The following MYH16 variants were observed in gnomAD, a reference collection of about 807,000 sequenced individuals.
MYH16 encodes the protein putative uncharacterized protein MYH16.
chr7:99,298,047 G>A, intron 36 of MYH16, 52 bp downstream of exon 17: 1 of 454,378 alleles, frequency 2.2e-6, no homozygotes, highest in Admixed American at 2.4e-5. Context: ...TGATGGAGCA[G>A]AGTCCAGAAA....
intron 1 of MYH16, among the ~76,000 whole-genome samples, chr7:99,242,832 A>G (rs535933281): frequency 6.6e-6 from 1 of 152,224 alleles, no homozygotes; most frequent in Non-Finnish European, 1.5e-5. Context: ...GCTATTTCGA[A>G]ATCACCGCTA....
At chr7:99,241,644 T>G (rs1791668251) in intron 1 of MYH16, among the ~76,000 whole-genome samples, 2 of 152,132 alleles carry the variant, frequency 1.3e-5, no homozygotes, top group Non-Finnish European at 2.9e-5. Context: ...AAGGGCGTGG[T>G]AACCATTACG....
At chr7:99,268,268 T>G (rs1287106808) in intron 18 of MYH16, among the ~76,000 whole-genome samples, 1 of 152,164 alleles carries the variant, frequency 6.6e-6, no homozygotes, top group Non-Finnish European at 1.5e-5. Flanking sequence ...GATCATGGAA[T>G]AATTGAGCTG....
intron 12 of MYH16, chr7:99,260,543 A>AC (rs1791927407): frequency 6.4e-6 from 2 of 313,490 alleles, no homozygotes; most frequent in Admixed American, 8.2e-5. Flanking sequence ...GCCACCATTC[A>AC]TTGGATCATC....
intron 11 of MYH16, chr7:99,260,056 TG>T: frequency 1.2e-6 from 1 of 859,136 alleles, no homozygotes. Context: ...CTGACACTAG[TG>T]GGCCCTCTGC....
At chr7:99,277,922 A>T (rs977240046) in intron 21 of MYH16, among the ~76,000 whole-genome samples, 1,413 of 131,080 alleles carry the variant, frequency 0.011, 6 homozygotes, top group African/African-American at 0.045. Context: ...TGTGTGAGAG[A>T]GAGAGAGAGA....
chr7:99,256,838 G>A (rs912794877), intron 9 of MYH16, among the ~76,000 whole-genome samples: 1 of 149,182 alleles, frequency 6.7e-6, no homozygotes, highest in Admixed American at 6.7e-5. Context: ...GTTATCCCAG[G>A]TACCTGGGAG....
intron 32 of MYH16, among the ~76,000 whole-genome samples, chr7:99,293,543 G>A (rs1792423434): frequency 6.6e-6 from 1 of 152,014 alleles, no homozygotes; most frequent in African/African-American, 2.4e-5. Flanking sequence ...ACACCCTCAG[G>A]GCCCCTCCAT....
intron 3 of MYH16, among the ~76,000 whole-genome samples, chr7:99,248,255 C>T (rs1003394236): frequency 6.6e-6 from 1 of 152,080 alleles, no homozygotes; most frequent in Non-Finnish European, 1.5e-5. Flanking sequence ...GCATGTGCCA[C>T]CACACCCAGC....
chr7:99,241,812 CTT>C (rs1161834731), intron 1 of MYH16, among the ~76,000 whole-genome samples: 5 of 151,636 alleles, frequency 3.3e-5, no homozygotes, highest in African/African-American at 1.2e-4. Context: ...GATCGTATGT[CTT>C]CAGCTTTGAT....
At chr7:99,262,718 G>A (rs1416155268) in intron 13 of MYH16, among the ~76,000 whole-genome samples, 1 of 152,192 alleles carries the variant, frequency 6.6e-6, no homozygotes, top group African/African-American at 2.4e-5. Flanking sequence ...AAGATGGGAA[G>A]CAGAAATTAG....
At chr7:99,293,836 T>A (rs1389412410) in intron 32 of MYH16, among the ~76,000 whole-genome samples, 182 bp from the exon 14 acceptor site, 2 of 152,174 alleles carry the variant, frequency 1.3e-5, no homozygotes, top group Non-Finnish European at 2.9e-5. Flanking sequence ...TAAGTGTTTG[T>A]TGAATGAATA....
At chr7:99,243,559 G>C (rs904627965) in intron 2 of MYH16, 1 of 152,346 alleles carries the variant, frequency 6.6e-6, no homozygotes, top group Non-Finnish European at 1.5e-5. Context: ...AAAGGCACAG[G>C]GACCACGTTT....
chr7:99,242,533 G>A (rs1216418662), intron 1 of MYH16, among the ~76,000 whole-genome samples: 1 of 152,170 alleles, frequency 6.6e-6, no homozygotes, highest in African/African-American at 2.4e-5. Flanking sequence ...AGCTACTCGG[G>A]AGGCTGAGGC....
At chr7:99,288,353 C>T (rs984736863) in intron 29 of MYH16, among the ~76,000 whole-genome samples, 1 of 152,088 alleles carries the variant, frequency 6.6e-6, no homozygotes, top group Non-Finnish European at 1.5e-5. Flanking sequence ...GCAGGAGGAT[C>T]GCTTGAGCCC....
chr7:99,239,843 C>T (rs1269392512), intron 1 of MYH16, among the ~76,000 whole-genome samples: 1 of 152,138 alleles, frequency 6.6e-6, no homozygotes, highest in Non-Finnish European at 1.5e-5. Flanking sequence ...TGCTGGCCCA[C>T]ACTACGTCTG....
chr7:99,274,235 G>T (rs79182404), intron 20 of MYH16, among the ~76,000 whole-genome samples: 54 of 152,228 alleles, frequency 3.5e-4, no homozygotes, highest in Non-Finnish European at 6.6e-4. Flanking sequence ...ACCAAGGCAG[G>T]AGGCCACCAG....
At chr7:99,284,603 C>T (rs1388473375) in intron 25 of MYH16, among the ~76,000 whole-genome samples, 1 of 152,128 alleles carries the variant, frequency 6.6e-6, no homozygotes, top group African/African-American at 2.4e-5. Flanking sequence ...AAAAGTGTCA[C>T]ATTAGTAAAT....
chr7:99,275,916 C>T (rs537914353), intron 20 of MYH16, among the ~76,000 whole-genome samples: 4 of 152,214 alleles, frequency 2.6e-5, no homozygotes, highest in Non-Finnish European at 4.4e-5. Context: ...TTAGTAGAGA[C>T]GGGATTTCAC....
Sources: allele counts gnomAD v4.1 joint callset (sites outside exome capture counted in the v4.1 genomes callset), GRCh38; gene constraint gnomAD v4.1.1; transcripts MANE v1.5; gene names NCBI Gene and HGNC (gene_info 2026-07-23, HGNC 2026-07-21).